Variants in COL12A1 observed in about 807,000 individuals in gnomAD.
COL12A1 encodes the protein collagen type XII alpha 1 chain.
COL12A1 carries 114 observed loss-of-function variants against 349.7 expected under a neutral mutation model. The observed-to-expected ratio is 0.33, with a 90% CI of 0.28 to 0.38. The LOEUF is 0.38. Ranked by LOEUF, COL12A1 falls within the 10% of genes least tolerant of loss-of-function variation. COL12A1 has a pLI of 1.00. For missense variants in COL12A1, 3,284 were observed against 3,756.9 expected, an observed-to-expected ratio of 0.87 and a Z score of 3.29; for synonymous variants, 1,369 against 1,329.0, an observed-to-expected ratio of 1.03 and a Z score of -0.66.
chr6:75,090,124 G>T lies in COL12A1; in HGVS notation c.8927C>A (p.Pro2976His), dbSNP rs748714098. The T allele has an allele frequency of 2.7e-5, 44 of 1,613,312 alleles. No individual in the cohort carries two copies. The highest frequency in any genetic ancestry group is 3.4e-5 in the Non-Finnish European group (40 of 1,179,898). Reference protein sequence around the residue: ...GFPGTPGMQGPPGERGLPGEK... With the variant: ...GFPGTPGMQGHPGERGLPGEK... ...GAAATGCCTACCTCGTTCCCCAGGG[G>T]GTCCCTGCATCCCTGGTGTGCCCGG... is the stretch of plus-strand genomic sequence containing the variant. The change falls in exon 63 of 66, where the codon CCC (proline) becomes CAC (histidine). Residue 2976 changes from proline to histidine, a missense_variant. Physicochemically the swap from Pro to His is moderately conservative, Grantham distance 77 (BLOSUM62 -2). Transcript: ENST00000322507. The surrounding 1 kb of genome is among the most constrained non-coding windows in gnomAD (Gnocchi z 4.1).
At chr6:75,167,952 A>G (rs543685640) in intron 13 of COL12A1, among the ~76,000 whole-genome samples, 1 of 152,338 alleles carries the variant, frequency 6.6e-6, no homozygotes, top group Admixed American at 6.5e-5. Flanking sequence ...TGGCATGACA[A>G]CACTATTTTG....
intron 52 of COL12A1, among the ~76,000 whole-genome samples, chr6:75,108,513 A>C (rs1454804332): frequency 1.3e-5 from 2 of 152,202 alleles, no homozygotes; most frequent in Non-Finnish European, 2.9e-5. Context: ...AGATAGTGAA[A>C]GTTGTGAGTA....
chr6:75,204,917 C>T (rs1382830026), intron 1 of COL12A1, among the ~76,000 whole-genome samples: 1 of 152,136 alleles, frequency 6.6e-6, no homozygotes, highest in Non-Finnish European at 1.5e-5. Context: ...CACTAGAAGA[C>T]TACAGAGTCC....
intron 8 of COL12A1, among the ~76,000 whole-genome samples, chr6:75,185,537 T>A (rs933578354): frequency 6.6e-6 from 1 of 152,086 alleles, no homozygotes; most frequent in Non-Finnish European, 1.5e-5. Context: ...AAAATGGCCA[T>A]ACTGCCAAAA....
intron 31 of COL12A1, among the ~76,000 whole-genome samples, chr6:75,136,053 A>C (rs933353759): frequency 1.3e-5 from 2 of 152,166 alleles, no homozygotes; most frequent in Admixed American, 1.3e-4. Context: ...TTTCCAGAAG[A>C]TAAGTTTACG....
chr6:75,133,662 G>C (rs192837924), intron 33 of COL12A1, among the ~76,000 whole-genome samples, 196 bp downstream of exon 33: 1 of 152,010 alleles, frequency 6.6e-6, no homozygotes, highest in East Asian at 1.9e-4. Flanking sequence ...CCCTGGCCAG[G>C]GGGAAGAATC....
chr6:75,090,002 A>G lies in COL12A1; in HGVS notation c.8941+108T>C, dbSNP rs1436595425. ...CTTCTGAGGCTGTCCAAACAAGACCAGGGAAAGCAGTTTGCCTAGGTCACC... is the reference window on the plus strand; with the variant it reads ...CTTCTGAGGCTGTCCAAACAAGACCGGGGAAAGCAGTTTGCCTAGGTCACC... On this transcript the variant is annotated intron_variant, in intron 63 of 65. Transcript: ENST00000322507. The surrounding 1 kb of genome is among the most constrained non-coding windows in gnomAD (Gnocchi z 4.1). The G allele has an allele frequency of 1.7e-6, 2 of 1,197,338 alleles. No individual in the cohort carries two copies. The highest frequency in any genetic ancestry group is 2.9e-4 in the Middle Eastern group (1 of 3,456). The allele number at this position is 1,197,338 out of a possible 1,614,324, so 74.2% of individuals were successfully genotyped here. A position where few individuals can be genotyped will look rare whatever the true frequency, so the allele number is the denominator to read the frequency against.
Position 75,087,713 on chromosome 6 carries a change from C to T in COL12A1, c.9045G>A (p.Gly3015=). The change falls in exon 65 of 66, where the codon GGG becomes GGA. Residue 3015 remains glycine, a synonymous_variant. Coordinates refer to ENST00000322507, the MANE Select transcript of COL12A1 (RefSeq NM_004370.6). The part of the protein sequence containing the change: ...PQGESRTGPP[G]STGSRGPPGP... ...CAGGGGGACCTCTTGAACCTGTGGA[C>T]CCTGGTGGACCTGTTCTGGATTCTC... 1 of 1,606,598 alleles carries T rather than the reference C, an allele frequency of 6.2e-7. No individual in the cohort carries two copies. The highest frequency in any genetic ancestry group is 8.5e-7 in the Non-Finnish European group (1 of 1,177,888).
At chr6:75,177,994 A>T in intron 11 of COL12A1, 59 bp from the exon 12 acceptor site, 1 of 1,480,118 alleles carries the variant, frequency 6.8e-7, no homozygotes, top group Non-Finnish European at 9.1e-7. Context: ...TTATATGAAA[A>T]ATACAAAAAT....
chr6:75,143,474 T>C (rs556019832), intron 25 of COL12A1, 86 bp from the exon 26 acceptor site: 2 of 1,490,760 alleles, frequency 1.3e-6, no homozygotes, highest in South Asian at 1.3e-5. Context: ...AGAAGTTGTT[T>C]GGAGAAAATT....
Position 75,156,377 on chromosome 6 carries a change from G to C in COL12A1, c.3130C>G (p.Pro1044Ala), listed in dbSNP as rs200490883. Reference protein sequence around the residue: ...GRGKQMVAKVPPTVTSTVLKR... With the variant: ...GRGKQMVAKVAPTVTSTVLKR... ...AACACTGTCGAAGTGACTGTGGGGG[G>C]CACCTTAGCAACCATTTGCTTCCCT... Residue 1044 changes from proline to alanine, a missense_variant, in exon 15 of 66, where the codon CCC becomes GCC. Pro to Ala is a conservative substitution (Grantham distance 27). Coordinates refer to ENST00000322507, the MANE Select transcript of COL12A1 (RefSeq NM_004370.6). 3.7e-6 allele frequency: 6 copies of C among 1,613,934 alleles called. No homozygotes were observed. The East Asian group carries it at 1.3e-4, about 36-fold the overall frequency.
intron 27 of COL12A1, among the ~76,000 whole-genome samples, chr6:75,141,596 A>G (rs1478246002): frequency 6.6e-6 from 1 of 152,182 alleles, no homozygotes; most frequent in Non-Finnish European, 1.5e-5. Flanking sequence ...TTATCTCCAC[A>G]ACTAAATCAT....
rs754233830 is a variant in COL12A1, at chr6:75,148,454, G to A, written c.4191C>T (p.Thr1397=). Residue 1397 remains threonine, a synonymous_variant, in exon 22 of 66, where the codon ACC becomes ACT. Transcript: ENST00000322507. ...TCCAGCTCACTCTAAAAGAACGATG[G>A]GTTCGCTCAGAAATAACTAAGTTAG... The part of the protein sequence containing the change: ...APSNLVISER[T]HRSFRVSWTP... The A allele has an allele frequency of 5.0e-6, 8 of 1,613,286 alleles. No individual in the cohort carries two copies. The highest frequency in any genetic ancestry group is 5.9e-6 in the Non-Finnish European group (7 of 1,179,486).
In COL12A1 at chr6:75,181,004, T is replaced by C. The variant is rs752941721; in HGVS notation, c.2099A>G (p.Asn700Ser). The change falls in exon 11 of 66, where the codon AAT becomes AGT. Residue 700 changes from asparagine (N) to serine (S), a missense_variant. Asn to Ser is a conservative substitution (Grantham distance 46). Around this residue, in one of 2 missense-constraint regions of COL12A1, gnomAD observed 2,601 missense variants for 2,824.8 expected, o/e 0.92. Transcript: ENST00000322507. The part of the protein sequence containing the change: ...SLKPETLYLV[N>S]VTAEYEDGFS... ...GCCATCCTCATACTCCGCAGTCACATTGACCAAATACAAGGTCTCTGGCTT... is the reference window on the plus strand; with the variant it reads ...GCCATCCTCATACTCCGCAGTCACACTGACCAAATACAAGGTCTCTGGCTT... 3.7e-6 allele frequency: 6 copies of C among 1,614,158 alleles called. No homozygotes were observed. Among genetic ancestry groups the C allele is most frequent in the Admixed American group, 3.3e-5 (2 of 60,018 alleles).
intron 2 of COL12A1, among the ~76,000 whole-genome samples, chr6:75,202,164 C>T (rs1770560826): frequency 6.6e-6 from 1 of 152,246 alleles, no homozygotes; most frequent in Non-Finnish European, 1.5e-5. Context: ...CATCATCCCC[C>T]AGGCTGCTTG....
At position 75,101,665 on chromosome 6, in the gene COL12A1, G is replaced by A. The variant is rs762066101; in HGVS notation, c.8470-12C>T. 1.9e-6 allele frequency: 3 copies of A among 1,612,174 alleles called. No homozygotes were observed. Among genetic ancestry groups the A allele is most frequent in the East Asian group, 2.2e-5 (1 of 44,866 alleles). The stretch of plus-strand genomic sequence containing the variant: ...AATCCTGGGGTTCCCTGCACAGAAG[G>A]AAACAAACAAGTGAAACATTATAAT... On this transcript the variant is annotated splice_polypyrimidine_tract_variant and intron_variant, in intron 57 of 65. Transcript: ENST00000322507.
chr6:75,188,010 A>G (rs1400676480), intron 8 of COL12A1, among the ~76,000 whole-genome samples: 4 of 152,178 alleles, frequency 2.6e-5, no homozygotes, highest in African/African-American at 7.2e-5. Context: ...CAGCCCATCA[A>G]TGTTTAAATC....
chr6:75,136,259 C>G (rs1179118917), intron 31 of COL12A1, among the ~76,000 whole-genome samples: 3 of 152,106 alleles, frequency 2.0e-5, no homozygotes, highest in Non-Finnish European at 4.4e-5. Flanking sequence ...TCTAATTTGT[C>G]TTATTTTCAT....
At chr6:75,087,228 T>C in intron 65 of COL12A1, 1 of 303,026 alleles carries the variant, frequency 3.3e-6, no homozygotes, top group Non-Finnish European at 6.0e-6. Flanking sequence ...ATACATATTC[T>C]TGGCATTTTA....
Sources: allele counts gnomAD v4.1 joint callset (sites outside exome capture counted in the v4.1 genomes callset), GRCh38; gene constraint gnomAD v4.1.1; regional missense constraint gnomAD v4.1.1; non-coding constraint Gnocchi (gnomAD v3.1); transcripts MANE v1.5; gene names NCBI Gene and HGNC (gene_info 2026-07-23, HGNC 2026-07-21).